The following NELL1 variants were observed in gnomAD, a reference collection of about 807,000 sequenced individuals.
NELL1 encodes the protein neural EGFL like 1.
Under a neutral mutation model 107.4 loss-of-function variants are expected in NELL1, and 76 were observed. That is an observed-to-expected ratio of 0.71 (90% CI 0.59 to 0.86). The LOEUF (loss-of-function observed/expected upper bound fraction) is 0.86. Among genes scored for constraint, NELL1 ranks in the 40% least tolerant of loss-of-function variants. The probability of loss-of-function intolerance (pLI) is 0.00; values close to 1 mark genes in which losing one functional copy is unlikely to be tolerated. For synonymous variants in NELL1, 353 were observed against 341.2 expected, an observed-to-expected ratio of 1.03 and a Z score of -0.38; for missense variants, 1,024 against 1,005.5, an observed-to-expected ratio of 1.02 and a Z score of -0.25.
chr11:21,176,429 A>G (rs1856713939), intron 13 of NELL1, among the ~76,000 whole-genome samples: 1 of 151,816 alleles, frequency 6.6e-6, no homozygotes, highest in Non-Finnish European at 1.5e-5. Context: ...TTATATTTCT[A>G]CATCATGGGC....
chr11:21,532,944 A>G (rs1475606296), intron 15 of NELL1, among the ~76,000 whole-genome samples: 3 of 152,304 alleles, frequency 2.0e-5, no homozygotes, highest in African/African-American at 7.2e-5. Context: ...AATTTGAGGT[A>G]TGACAATCTA....
At chr11:20,984,198 A>G (rs566857794) in intron 12 of NELL1, among the ~76,000 whole-genome samples, 1 of 152,222 alleles carries the variant, frequency 6.6e-6, no homozygotes, top group Non-Finnish European at 1.5e-5. Context: ...TTTCTCAATG[A>G]TTCTGGACAT....
rs532350985 is a variant in NELL1, at chr11:21,481,468, G to A, written c.1646-52906G>A. On this transcript the variant is annotated intron_variant, in intron 15 of 19. Transcript: ENST00000357134. ...TCAAGGATGATTGATGTTAGTAGCAGAGAGAGTAATGTAAGGGTTGCATTA... is the reference window on the plus strand; with the variant it reads ...TCAAGGATGATTGATGTTAGTAGCAAAGAGAGTAATGTAAGGGTTGCATTA... Among the ~76,000 whole-genome samples the A allele has an allele frequency of 2.6e-5, 4 of 152,310 alleles. No individual in the cohort carries two copies. In the East Asian group the frequency reaches 7.7e-4, roughly 29 times the overall value.
At chr11:21,148,118 A>C (rs1216998518) in intron 13 of NELL1, among the ~76,000 whole-genome samples, 1 of 152,164 alleles carries the variant, frequency 6.6e-6, no homozygotes, top group Non-Finnish European at 1.5e-5. Flanking sequence ...AAAGAGCTTG[A>C]CAGCATCTCT....
At chr11:21,311,373 A>T (rs1048826131) in intron 14 of NELL1, among the ~76,000 whole-genome samples, 1 of 152,162 alleles carries the variant, frequency 6.6e-6, no homozygotes, top group African/African-American at 2.4e-5. Flanking sequence ...GCCTGGGAAA[A>T]TAAGTGCATT....
intron 14 of NELL1, among the ~76,000 whole-genome samples, chr11:21,236,813 C>A (rs11025987): frequency 0.13 from 19,434 of 152,120 alleles, 1,685 homozygotes; most frequent in East Asian, 0.39. Context: ...GTCAAGACAA[C>A]ATGGGGGACA....
chr11:20,774,766 T>A (rs762860840), intron 2 of NELL1, among the ~76,000 whole-genome samples: 6 of 152,122 alleles, frequency 3.9e-5, no homozygotes, highest in Non-Finnish European at 8.8e-5. Flanking sequence ...TGCCCTCATG[T>A]CTTTATAAGA....
chr11:21,154,167 G>A (rs1429375600), intron 13 of NELL1, among the ~76,000 whole-genome samples: 1 of 152,172 alleles, frequency 6.6e-6, no homozygotes, highest in Non-Finnish European at 1.5e-5. Context: ...AAATGTTGAT[G>A]TTTTGTGAAG....
chr11:20,879,667 C>G (rs1849371530), intron 4 of NELL1, among the ~76,000 whole-genome samples: 2 of 152,084 alleles, frequency 1.3e-5, no homozygotes, highest in Non-Finnish European at 2.9e-5. Context: ...TCCATCTCTT[C>G]CTGTTGCCTG....
At chr11:21,281,186 A>G (rs1205923122) in intron 14 of NELL1, among the ~76,000 whole-genome samples, 2 of 151,718 alleles carry the variant, frequency 1.3e-5, no homozygotes, top group Non-Finnish European at 2.9e-5. Flanking sequence ...GCTCCTGAAC[A>G]TCATTTCTGG....
At chr11:21,091,085 T>C (rs1343871257) in intron 12 of NELL1, among the ~76,000 whole-genome samples, 1 of 152,228 alleles carries the variant, frequency 6.6e-6, no homozygotes, top group Non-Finnish European at 1.5e-5. Flanking sequence ...ACTGTAGCTA[T>C]TTTTATATGA....
At chr11:21,179,587 A>G (rs1856783997) in intron 13 of NELL1, among the ~76,000 whole-genome samples, 1 of 151,922 alleles carries the variant, frequency 6.6e-6, no homozygotes, top group Non-Finnish European at 1.5e-5. Flanking sequence ...GTCTTTGCTT[A>G]TGTCAAATCT....
intron 15 of NELL1, among the ~76,000 whole-genome samples, chr11:21,517,206 C>G (rs1473794971): frequency 6.6e-6 from 1 of 152,128 alleles, no homozygotes; most frequent in African/African-American, 2.4e-5. Context: ...CTCAACTTTT[C>G]TACATGTAGA....
intron 14 of NELL1, among the ~76,000 whole-genome samples, chr11:21,264,786 A>G (rs1456261670): frequency 1.3e-5 from 2 of 151,744 alleles, no homozygotes; most frequent in Non-Finnish European, 2.9e-5. Context: ...TTGAACTAAA[A>G]CAGATACTTT....
chr11:21,451,838 G>T (rs1590942837), intron 15 of NELL1, among the ~76,000 whole-genome samples: 1 of 152,204 alleles, frequency 6.6e-6, no homozygotes, highest in East Asian at 1.9e-4. Flanking sequence ...CGAGACAATG[G>T]TCAAAGAACT....
At chr11:21,085,024 G>A (rs7106242) in intron 12 of NELL1, among the ~76,000 whole-genome samples, 6,159 of 152,196 alleles carry the variant, frequency 0.04, 277 homozygotes, top group South Asian at 0.12. Context: ...CTTTTATGGT[G>A]TAGGAATTAA....
At chr11:21,358,137 C>T (rs1055063543) in intron 14 of NELL1, among the ~76,000 whole-genome samples, 6 of 151,926 alleles carry the variant, frequency 3.9e-5, no homozygotes, top group East Asian at 1.9e-4. Context: ...GGGTCTTTTT[C>T]GGTTCTATAT....
chr11:20,705,392 C>T (rs1191840133), intron 2 of NELL1, among the ~76,000 whole-genome samples: 2 of 152,016 alleles, frequency 1.3e-5, no homozygotes, highest in Admixed American at 6.6e-5. Flanking sequence ...TTTGACAAAC[C>T]TGACAAAAAC....
At chr11:21,141,251 TC>T (rs1855860459) in intron 13 of NELL1, among the ~76,000 whole-genome samples, 2 of 152,156 alleles carry the variant, frequency 1.3e-5, no homozygotes, top group Admixed American at 6.5e-5. Context: ...AAAGAAAGAA[TC>T]TCACTGGAAA....
Sources: gnomAD v4.1 joint callset for allele counts (sites outside exome capture counted in the v4.1 genomes callset) on GRCh38, gnomAD v4.1.1 for gene constraint, MANE v1.5 for transcripts, NCBI Gene and HGNC (gene_info 2026-07-23, HGNC 2026-07-21) for gene names.